SND1: variants seen among roughly 807,000 people sequenced by gnomAD.
The protein encoded by SND1 is staphylococcal nuclease domain-containing protein 1.
In SND1, 38 loss-of-function variants were observed where a neutral mutation model predicts 121.7. That is an observed-to-expected ratio of 0.31 (90% CI 0.24 to 0.41). The LOEUF is 0.41. Ranked by LOEUF, SND1 falls within the 10% of genes least tolerant of loss-of-function variation. The pLI, the probability that SND1 is intolerant of heterozygous loss-of-function variation, is 1.00. For missense variants in SND1, 868 were observed against 1,184.6 expected (o/e 0.73, Z 3.92); for synonymous variants, 401 against 447.4 (o/e 0.90, Z 1.31).
intron 10 of SND1, among the ~76,000 whole-genome samples, chr7:127,802,880 C>T (rs377108514): frequency 2.0e-4 from 30 of 152,284 alleles, no homozygotes; most frequent in African/African-American, 7.2e-4. Flanking sequence ...TCCTCCTTTT[C>T]TTTCATTCCT....
chr7:127,760,287 G>T (rs1797279367), intron 10 of SND1, among the ~76,000 whole-genome samples: 1 of 152,212 alleles, frequency 6.6e-6, no homozygotes, highest in African/African-American at 2.4e-5. Flanking sequence ...GGCTAATTGT[G>T]TCGGAAACCA....
chr7:128,007,211 C>T (rs1219362641), intron 16 of SND1, among the ~76,000 whole-genome samples: 2 of 152,186 alleles, frequency 1.3e-5, no homozygotes, highest in African/African-American at 4.8e-5. Flanking sequence ...TCATCTTCCT[C>T]AGCTTTGTCA....
chr7:128,092,336 A>AG lies in SND1; in HGVS notation c.*278_*279insG. The AG allele has an allele frequency of 4.4e-6, 2 of 454,732 alleles. No homozygotes were observed. Among genetic ancestry groups the AG allele is most frequent in the Non-Finnish European group, 7.8e-6 (2 of 255,508 alleles). 28.2% of individuals were successfully genotyped at this position (454,732 alleles called of 1,614,324 possible). On this transcript the variant is annotated 3_prime_UTR_variant, in exon 24 of 24. Coordinates refer to ENST00000354725, the MANE Select transcript of SND1 (RefSeq NM_014390.4). The surrounding 1 kb of genome is among the most constrained non-coding windows in gnomAD (Gnocchi z 4.9). ...GGTTTGTGGGCTTTTTTTAAAAAAA[A>AG]AAAGTCCTCAAATCAGGAAGAAACA...
At chr7:127,892,786 GT>G (rs1020594607) in intron 13 of SND1, among the ~76,000 whole-genome samples, 2 of 151,980 alleles carry the variant, frequency 1.3e-5, no homozygotes, top group Admixed American at 6.6e-5. Flanking sequence ...TGTAGCCTCT[GT>G]TTTTTGTCCC....
rs532641647 is a variant in SND1, at chr7:128,037,148, T to C, written c.1780-37354T>C. Among the ~76,000 whole-genome samples the C allele has an allele frequency of 7.2e-5, 11 of 152,322 alleles. No homozygotes were observed. In the South Asian group the frequency reaches 2.3e-3, roughly 32 times the overall value. ...TAGTTGGTGATTTAAAGCAGAAATA[T>C]ATTCTCTCACAGTTCTGGAGGCTAA... On this transcript the variant is annotated intron_variant, in intron 16 of 23. Coordinates refer to ENST00000354725, the MANE Select transcript of SND1 (RefSeq NM_014390.4).
chr7:128,059,134 A>C (rs12533765), intron 16 of SND1, among the ~76,000 whole-genome samples: 4 of 151,972 alleles, frequency 2.6e-5, no homozygotes, highest in Non-Finnish European at 5.9e-5. Flanking sequence ...GACATTCCCT[A>C]TGCTGGAACA....
rs74603398 is a variant in SND1, at chr7:127,796,568, A to G, written c.1153-10916A>G. 5.9e-3 allele frequency among the ~76,000 whole-genome samples: 895 copies of G among 152,328 alleles called. 17 individuals are homozygous for G. The highest frequency in any genetic ancestry group is 0.02 in the African/African-American group (852 of 41,578). The stretch of plus-strand genomic sequence containing the variant: ...ACCTGTATAAAGTAATTAAATTACA[A>G]TAATACAAGGCAGAAAGTGATTAGT... On this transcript the variant is annotated intron_variant, in intron 10 of 23. Coordinates refer to ENST00000354725, the MANE Select transcript of SND1 (RefSeq NM_014390.4).
intron 14 of SND1, among the ~76,000 whole-genome samples, chr7:127,911,735 C>T (rs771132104): frequency 6.6e-6 from 1 of 152,134 alleles, no homozygotes; most frequent in African/African-American, 2.4e-5. Flanking sequence ...CTCCTGACCT[C>T]ATGATCTGCC....
At chr7:127,652,896 A>C (rs745399209) in intron 1 of SND1, among the ~76,000 whole-genome samples, 5 of 152,056 alleles carry the variant, frequency 3.3e-5, no homozygotes, top group Non-Finnish European at 4.4e-5. Flanking sequence ...AAACGCTGTT[A>C]CTTGACTCCC....
intron 16 of SND1, among the ~76,000 whole-genome samples, chr7:128,008,558 G>C (rs1045414159): frequency 6.6e-6 from 1 of 150,922 alleles, no homozygotes; most frequent in Non-Finnish European, 1.5e-5. Flanking sequence ...GATTGCCCTC[G>C]AACTCCCTAG....
intron 1 of SND1, among the ~76,000 whole-genome samples, chr7:127,683,568 AGT>A (rs1325999540): frequency 9.9e-5 from 15 of 152,230 alleles, no homozygotes; most frequent in African/African-American, 3.6e-4. Flanking sequence ...GAGGGAAACT[AGT>A]TCTTCCCTAG....
chr7:127,862,941 C>T (rs1799406244), intron 12 of SND1, among the ~76,000 whole-genome samples: 1 of 152,182 alleles, frequency 6.6e-6, no homozygotes, highest in Non-Finnish European at 1.5e-5. Context: ...CTAAAAGATG[C>T]TTTCTTTGAG....
At position 127,920,059 on chromosome 7, in the gene SND1, A is replaced by G. The variant is rs552282434; in HGVS notation, c.1528-9129A>G. On this transcript the variant is annotated intron_variant, in intron 14 of 23. Coordinates refer to ENST00000354725, the MANE Select transcript of SND1 (RefSeq NM_014390.4). ...TCATACTAAAATAAATTTTCTTCAC[A>G]TCATTACTAAAGCATTCAGTTATTT... Among the ~76,000 whole-genome samples, 64 of 152,330 alleles carry G rather than the reference A, an allele frequency of 4.2e-4. No homozygotes were observed. In the South Asian group the frequency reaches 0.013, roughly 32 times the overall value.
chr7:127,884,617 T>G (rs1799858149), intron 12 of SND1, among the ~76,000 whole-genome samples: 1 of 152,088 alleles, frequency 6.6e-6, no homozygotes, highest in Non-Finnish European at 1.5e-5. Context: ...TATCTAACCT[T>G]CCTTCATTCC....
intron 16 of SND1, among the ~76,000 whole-genome samples, chr7:128,006,992 C>T (rs1802995257): frequency 6.6e-6 from 1 of 152,130 alleles, no homozygotes; most frequent in Non-Finnish European, 1.5e-5. Context: ...GGGTTGAGGT[C>T]ACTATTTTAG....
intron 10 of SND1, among the ~76,000 whole-genome samples, chr7:127,723,545 G>C (rs1796532446): frequency 6.6e-6 from 1 of 152,186 alleles, no homozygotes; most frequent in African/African-American, 2.4e-5. Context: ...CTTTGGAAGA[G>C]TTTACTGAAG....
chr7:128,061,083 A>G (rs1445244264), intron 16 of SND1, among the ~76,000 whole-genome samples: 1 of 152,216 alleles, frequency 6.6e-6, no homozygotes, highest in Non-Finnish European at 1.5e-5. Flanking sequence ...GCCTGAGAAC[A>G]GGGCAGAATC....
chr7:127,873,278 C>T (rs1799631356), intron 12 of SND1, among the ~76,000 whole-genome samples: 1 of 152,244 alleles, frequency 6.6e-6, no homozygotes, highest in African/African-American at 2.4e-5. Flanking sequence ...TAAGTTCCTA[C>T]TCAGCTAGTG....
intron 13 of SND1, among the ~76,000 whole-genome samples, chr7:127,895,098 A>G (rs1308710128): frequency 1.3e-5 from 2 of 151,948 alleles, no homozygotes; most frequent in Non-Finnish European, 2.9e-5. Context: ...CTGTGAGAGT[A>G]TATTCCTGAA....
Sources: gnomAD v4.1 joint callset for allele counts (sites outside exome capture counted in the v4.1 genomes callset) on GRCh38, gnomAD v4.1.1 for gene constraint, Gnocchi (gnomAD v3.1) non-coding constraint, MANE v1.5 for transcripts, NCBI Gene and HGNC (gene_info 2026-07-23, HGNC 2026-07-21) for gene names.